The following PHAF1 variants were observed in gnomAD, a reference collection of about 807,000 sequenced individuals.
PHAF1 encodes phagosome assembly factor 1.
A neutral mutation model predicts 63.1 loss-of-function variants in PHAF1; 23 were observed. The observed-to-expected ratio is 0.36, with a 90% CI of 0.26 to 0.52. The LOEUF is 0.52. Ranked by LOEUF, PHAF1 falls within the 20% of genes least tolerant of loss-of-function variation. The pLI is 0.93. For missense variants in PHAF1, 427 were observed against 517.2 expected, an observed-to-expected ratio of 0.83 and a Z score of 1.69; for synonymous variants, 167 against 185.0, an observed-to-expected ratio of 0.90 and a Z score of 0.79.
intron 3 of PHAF1, among the ~76,000 whole-genome samples, chr16:67,127,505 C>T (rs1963237737): frequency 6.6e-6 from 1 of 152,122 alleles, no homozygotes; most frequent in Non-Finnish European, 1.5e-5. Context: ...ATCGCATAAT[C>T]ACAAATTGGA....
intron 1 of PHAF1, among the ~76,000 whole-genome samples, chr16:67,119,162 A>G (rs1962874568): frequency 6.6e-6 from 1 of 152,214 alleles, no homozygotes; most frequent in African/African-American, 2.4e-5. Flanking sequence ...GGTGCCAGAA[A>G]GGAAGAGAAA....
chr16:67,117,040 CT>C (rs201442759), intron 1 of PHAF1, among the ~76,000 whole-genome samples: 6 of 148,368 alleles, frequency 4.0e-5, no homozygotes, highest in South Asian at 2.1e-4. Flanking sequence ...TGGAAACAAA[CT>C]TTTTTTTTTG....
chr16:67,132,648 C>A, intron 5 of PHAF1, 123 bp downstream of exon 5: 1 of 1,274,816 alleles, frequency 7.8e-7, no homozygotes, highest in Non-Finnish European at 1.1e-6. Context: ...GGGGTTGGTA[C>A]TTGGGTGTGA....
intron 1 of PHAF1, 59 bp downstream of exon 1, chr16:67,110,298 C>T: frequency 6.5e-7 from 1 of 1,528,702 alleles, no homozygotes; most frequent in Non-Finnish European, 8.9e-7. Flanking sequence ...CTCCTGGGCT[C>T]TTCCCACCTG....
At chr16:67,129,381 C>T (rs541614670) in intron 3 of PHAF1, among the ~76,000 whole-genome samples, 4 of 152,312 alleles carry the variant, frequency 2.6e-5, no homozygotes, top group Non-Finnish European at 2.9e-5. Flanking sequence ...AGTGCTGTGA[C>T]GGCCTAGCAG....
At chr16:67,129,237 C>T (rs1423925601) in intron 3 of PHAF1, among the ~76,000 whole-genome samples, 2 of 152,252 alleles carry the variant, frequency 1.3e-5, no homozygotes, top group Non-Finnish European at 2.9e-5. Flanking sequence ...TTCATGCTTT[C>T]AAGCTTCATA....
intron 8 of PHAF1, among the ~76,000 whole-genome samples, chr16:67,139,391 C>G (rs1963721623): frequency 6.9e-6 from 1 of 145,520 alleles, no homozygotes; most frequent in African/African-American, 2.6e-5. Context: ...GTCTGTCACC[C>G]AGGCTAGAGT....
chr16:67,147,704 G>C lies in PHAF1; in HGVS notation c.*573G>C, dbSNP rs1386478991. ...CCTGCCTGGGCACACCAAACTGGTT[G>C]AAACACAGCTTTCTACCATCCAGGT... is the stretch of plus-strand genomic sequence containing the variant. On this transcript the variant is annotated 3_prime_UTR_variant, in exon 16 of 16. Coordinates refer to ENST00000219139, the MANE Select transcript of PHAF1 (RefSeq NM_025187.5). 1 of 152,950 alleles carries C rather than the reference G, an allele frequency of 6.5e-6. No homozygotes were observed. Among genetic ancestry groups the C allele is most frequent in the Non-Finnish European group, 1.5e-5 (1 of 68,202 alleles). 9.5% of individuals were successfully genotyped at this position (152,950 alleles called of 1,614,324 possible). A position where few individuals can be genotyped will look rare whatever the true frequency, so the allele number is the denominator to read the frequency against.
chr16:67,141,388 GTGA>G (rs1330332957), intron 10 of PHAF1, among the ~76,000 whole-genome samples: 1 of 152,252 alleles, frequency 6.6e-6, no homozygotes, highest in Admixed American at 6.5e-5. Flanking sequence ...TCAAGGGCCA[GTGA>G]TGATAGTATC....
At chr16:67,145,528 C>T (rs778286639) in intron 13 of PHAF1, 42 bp from the exon 14 acceptor site, 3 of 1,613,048 alleles carry the variant, frequency 1.9e-6, no homozygotes, top group African/African-American at 1.3e-5. Context: ...CAGACATGTT[C>T]ATGTCCCTAC....
intron 3 of PHAF1, among the ~76,000 whole-genome samples, chr16:67,127,804 A>C (rs1326661872): frequency 1.3e-5 from 2 of 152,148 alleles, no homozygotes; most frequent in African/African-American, 4.8e-5. Flanking sequence ...TCAAAAAAAA[A>C]AAATTGGGGG....
chr16:67,116,683 C>G (rs183838214), intron 1 of PHAF1, among the ~76,000 whole-genome samples: 41 of 152,290 alleles, frequency 2.7e-4, no homozygotes, highest in Admixed American at 2.3e-3. Context: ...GACCTAGTCT[C>G]TACCAAAAAT....
chr16:67,145,457 T>G, intron 13 of PHAF1, 38 bp downstream of exon 13: 1 of 1,613,900 alleles, frequency 6.2e-7, no homozygotes, highest in African/African-American at 1.3e-5. Context: ...AGCCTGAGAA[T>G]GAGGTGGACA....
At chr16:67,127,498 G>A (rs970081108) in intron 3 of PHAF1, among the ~76,000 whole-genome samples, 6 of 152,192 alleles carry the variant, frequency 3.9e-5, no homozygotes, top group Non-Finnish European at 8.8e-5. Context: ...CTTCAATATC[G>A]CATAATCACA....
chr16:67,116,316 G>A (rs1161642660), intron 1 of PHAF1, among the ~76,000 whole-genome samples: 1 of 152,226 alleles, frequency 6.6e-6, no homozygotes, highest in Non-Finnish European at 1.5e-5. Context: ...CTGAAGAATG[G>A]CCTCTCAGAT....
At chr16:67,142,753 C>G (rs1963859142) in intron 10 of PHAF1, among the ~76,000 whole-genome samples, 1 of 152,214 alleles carries the variant, frequency 6.6e-6, no homozygotes, top group South Asian at 2.1e-4. Context: ...TGCAGCTACA[C>G]CCAGGAGCAT....
intron 10 of PHAF1, among the ~76,000 whole-genome samples, chr16:67,142,382 G>A (rs1420716887): frequency 1.3e-5 from 2 of 152,204 alleles, no homozygotes; most frequent in Non-Finnish European, 2.9e-5. Flanking sequence ...CTGGCAGCCC[G>A]GCCCCCAGGC....
chr16:67,114,538 G>A (rs976180259), intron 1 of PHAF1, among the ~76,000 whole-genome samples: 23 of 146,378 alleles, frequency 1.6e-4, no homozygotes, highest in African/African-American at 5.0e-4. Context: ...ACAGGAGCTG[G>A]AAATCTTCCA....
chr16:67,148,274 T>C lies in PHAF1; in HGVS notation c.*1143T>C, dbSNP rs1045152583. On this transcript the variant is annotated 3_prime_UTR_variant, in exon 16 of 16. Coordinates refer to ENST00000219139, the MANE Select transcript of PHAF1 (RefSeq NM_025187.5). ...TAATGATGAATGTGCAGGGGACCTGTCTCAGGCTCCTATATGGTTCCTGGG... is the reference window on the plus strand; with the variant it reads ...TAATGATGAATGTGCAGGGGACCTGCCTCAGGCTCCTATATGGTTCCTGGG... 14 of 152,770 alleles carry C rather than the reference T, an allele frequency of 9.2e-5. No homozygotes were observed. The highest frequency in any genetic ancestry group is 2.6e-4 in the African/African-American group (11 of 41,570). The allele number at this position is 152,770 out of a possible 1,614,324, so 9.5% of individuals were successfully genotyped here. A position where few individuals can be genotyped will look rare whatever the true frequency, so the allele number is the denominator to read the frequency against.
Sources: gnomAD v4.1 joint callset for allele counts (sites outside exome capture counted in the v4.1 genomes callset) on GRCh38, gnomAD v4.1.1 for gene constraint, MANE v1.5 for transcripts, NCBI Gene and HGNC (gene_info 2026-07-23, HGNC 2026-07-21) for gene names.